The following GSTZ1 variants were observed in gnomAD, a reference collection of about 807,000 sequenced individuals.
GSTZ1 encodes the protein maleylacetoacetate isomerase.
GSTZ1 carries 34 observed loss-of-function variants against 35.9 expected under a neutral mutation model. The observed-to-expected ratio is 0.95, with a 90% CI of 0.72 to 1.26. The LOEUF is 1.26. Among genes scored for constraint, GSTZ1 ranks in the 50% most tolerant of loss-of-function variants. The pLI is 0.00. For synonymous variants in GSTZ1, 93 were observed against 101.2 expected, an observed-to-expected ratio of 0.92 and a Z score of 0.49; for missense variants, 263 against 271.7, an observed-to-expected ratio of 0.97 and a Z score of 0.23.
rs1405251190 is a variant in GSTZ1, at chr14:77,330,985, T to C, written c.525-84T>C. 3.8e-5 allele frequency: 53 copies of C among 1,386,254 alleles called. No individual in the cohort carries two copies. In the South Asian group the frequency reaches 6.6e-4, roughly 17 times the overall value. 85.9% of individuals were successfully genotyped at this position (1,386,254 alleles called of 1,614,324 possible). A position where few individuals can be genotyped will look rare whatever the true frequency, so the allele number is the denominator to read the frequency against. Reference sequence around the variant, plus strand: ...CAGCTCCCTCGACCTCATCCAGCCCTGCCTCTCTGCTCCCCCTGCTGCATC... The same window carrying C: ...CAGCTCCCTCGACCTCATCCAGCCCCGCCTCTCTGCTCCCCCTGCTGCATC... On this transcript the variant is annotated intron_variant, in intron 8 of 8. Transcript: ENST00000216465.
chr14:77,330,495 C>T, intron 8 of GSTZ1, 136 bp downstream of exon 8: 1 of 752,972 alleles, frequency 1.3e-6, no homozygotes, highest in Non-Finnish European at 2.4e-6. Flanking sequence ...CACATAGCCA[C>T]TTCTGCCTGG....
At chr14:77,321,538 T>C (rs958845565) in intron 1 of GSTZ1, 87 of 1,298,530 alleles carry the variant, frequency 6.7e-5, no homozygotes, top group Non-Finnish European at 8.4e-5. Flanking sequence ...CAGCCCTTCA[T>C]GCTCTTCTCT....
At chr14:77,324,548 C>G in intron 1 of GSTZ1, 1 of 1,508,848 alleles carries the variant, frequency 6.6e-7, no homozygotes, top group Non-Finnish European at 8.9e-7. Flanking sequence ...CCTTTCCCTG[C>G]TCAGAAGCTG....
Position 77,326,875 on chromosome 14 carries a change from C to A in GSTZ1, c.105C>A (p.Pro35=). The stretch of plus-strand genomic sequence containing the variant: ...AAGGCATCGACTACGAGACGGTGCC[C>A]ATCAATCTCATAAAGGATGGGGGCC... ...ALKGIDYETV[P]INLIKDGGQQ... Residue 35 remains proline (P), a synonymous_variant, in exon 3 of 9, where the codon CCC becomes CCA. Transcript: ENST00000216465. 6.2e-7 allele frequency: 1 copy of A among 1,606,828 alleles called. No homozygotes were observed. The highest frequency in any genetic ancestry group is 1.7e-4 in the Middle Eastern group (1 of 6,054).
rs554698742 is a variant in GSTZ1, at chr14:77,327,056, C to T, written c.135+151C>T. ...AGGCTGCTGGCTCTCCCTTGTGGGA[C>T]AAGGTGGCAAGGTGTGCAGTAGCAG... On this transcript the variant is annotated intron_variant, in intron 3 of 8. Transcript: ENST00000216465. 4.5e-5 allele frequency: 29 copies of T among 644,100 alleles called. No homozygotes were observed. In the East Asian group the frequency reaches 7.4e-4, roughly 16 times the overall value. 39.9% of individuals were successfully genotyped at this position (644,100 alleles called of 1,614,324 possible). A position where few individuals can be genotyped will look rare whatever the true frequency, so the allele number is the denominator to read the frequency against.
intron 1 of GSTZ1, chr14:77,322,733 G>T: frequency 3.0e-6 from 3 of 985,112 alleles, no homozygotes; most frequent in Non-Finnish European, 3.6e-6. Context: ...TCCACAAAAG[G>T]TACCTTCAGG....
Position 77,324,532 on chromosome 14 carries a change from A to G in GSTZ1, c.16-338A>G, listed in dbSNP as rs1892206036. On this transcript the variant is annotated intron_variant, in intron 1 of 8. Transcript: ENST00000216465. ...ATTGGCTCCTGAAATCCACCCCTTT[A>G]GGTTTCCTTTCCCTGCTCAGAAGCT... The G allele has an allele frequency of 1.5e-5, 21 of 1,401,400 alleles. No individual in the cohort carries two copies. The East Asian group carries it at 5.2e-4, about 35-fold the overall frequency. The allele number at this position is 1,401,400 out of a possible 1,614,324, so 86.8% of individuals were successfully genotyped here. A position where few individuals can be genotyped will look rare whatever the true frequency, so the allele number is the denominator to read the frequency against.
At chr14:77,324,779 C>A in intron 1 of GSTZ1, 91 bp from the exon 2 acceptor site, 1 of 1,318,238 alleles carries the variant, frequency 7.6e-7, no homozygotes, top group Non-Finnish European at 1.1e-6. Context: ...AGAGAGGAGG[C>A]CTGGCAGGAC....
intron 3 of GSTZ1, chr14:77,327,217 G>T: frequency 1.7e-6 from 1 of 595,950 alleles, no homozygotes. Context: ...GGTAGGAGCT[G>T]CCTTGGTGGC....
chr14:77,324,962 G>C, intron 2 of GSTZ1, 41 bp downstream of exon 2: 1 of 1,548,660 alleles, frequency 6.5e-7, no homozygotes, highest in South Asian at 1.1e-5. Flanking sequence ...CTGGAGTGGG[G>C]TGGACTGGGG....
In GSTZ1 at chr14:77,325,145, G is replaced by A. The variant is rs1384959297; in HGVS notation, c.67+224G>A. ...AGGAAGGGGGTTGTTTTTTCCCTTG[G>A]GACTGACACTTCTCCCAACACTGCT... On this transcript the variant is annotated intron_variant, in intron 2 of 8. Transcript: ENST00000216465. The A allele has an allele frequency of 7.2e-6, 4 of 558,784 alleles. No individual in the cohort carries two copies. The Admixed American group carries it at 8.9e-5, about 12-fold the overall frequency. The allele number at this position is 558,784 out of a possible 1,614,324, so 34.6% of individuals were successfully genotyped here. A position where few individuals can be genotyped will look rare whatever the true frequency, so the allele number is the denominator to read the frequency against.
chr14:77,326,883 T>C lies in GSTZ1; in HGVS notation c.113T>C (p.Leu38Pro). The change falls in exon 3 of 9, where the codon CTC becomes CCC. Residue 38 changes from leucine (L) to proline (P), a missense_variant. By Grantham distance (98) the Leu-to-Pro change is moderately conservative. Transcript: ENST00000216465. Reference protein sequence around the residue: ...GIDYETVPINLIKDGGQQFSK... With the variant: ...GIDYETVPINPIKDGGQQFSK... Reference sequence around the variant, plus strand: ...GACTACGAGACGGTGCCCATCAATCTCATAAAGGATGGGGGCCAACAGGTA... The same window carrying C: ...GACTACGAGACGGTGCCCATCAATCCCATAAAGGATGGGGGCCAACAGGTA... 1 of 1,605,826 alleles carries C rather than the reference T, an allele frequency of 6.2e-7. No individual in the cohort carries two copies. Among genetic ancestry groups the C allele is most frequent in the Non-Finnish European group, 8.5e-7 (1 of 1,175,322 alleles).
In GSTZ1 at chr14:77,330,506, A is replaced by G. The variant is rs1892568497; in HGVS notation, c.524+147A>G. 5.7e-6 allele frequency: 4 copies of G among 706,636 alleles called. No individual in the cohort carries two copies. The Admixed American group carries it at 6.2e-5, about 11-fold the overall frequency. The allele number at this position is 706,636 out of a possible 1,614,324, so 43.8% of individuals were successfully genotyped here. A position where few individuals can be genotyped will look rare whatever the true frequency, so the allele number is the denominator to read the frequency against. ...AGGCCACATAGCCACTTCTGCCTGG[A>G]AGAGGGCAGAAGAAATTGGGGCAGT... On this transcript the variant is annotated intron_variant, in intron 8 of 8. Transcript: ENST00000216465.
Position 77,327,922 on chromosome 14 carries a change from T to C in GSTZ1, c.227T>C (p.Ile76Thr), listed in dbSNP as rs1162095287. The C allele has an allele frequency of 8.7e-6, 14 of 1,613,848 alleles. No homozygotes were observed. The East Asian group carries it at 1.3e-4, about 15-fold the overall frequency. Residue 76 changes from isoleucine (I) to threonine (T), a missense_variant, in exon 5 of 9, where the codon ATT becomes ACT. Coordinates refer to ENST00000216465, the MANE Select transcript of GSTZ1 (RefSeq NM_145870.3). ...GITIHQSLAIIEYLEEMRPTP... is the reference protein window; with the variant it reads ...GITIHQSLAITEYLEEMRPTP... ...CTCCCCTCTGGACAGCTGGCCATCA[T>C]TGAGTATCTAGAGGAGATGCGTCCC...
Position 77,331,260 on chromosome 14 carries a change from T to C in GSTZ1, c.*65T>C. The C allele has an allele frequency of 6.5e-7, 1 of 1,543,716 alleles. No individual in the cohort carries two copies. The highest frequency in any genetic ancestry group is 8.8e-7 in the Non-Finnish European group (1 of 1,141,890). On this transcript the variant is annotated 3_prime_UTR_variant, in exon 9 of 9. Coordinates refer to ENST00000216465, the MANE Select transcript of GSTZ1 (RefSeq NM_145870.3). ...AGAAGCTGGGTGGGCTGAAGAGGCC[T>C]GGAAACGAGAGTCTTAATTGAGGAG...
intron 2 of GSTZ1, chr14:77,326,335 T>C (rs1246148664): frequency 6.5e-6 from 1 of 153,408 alleles, no homozygotes; most frequent in Non-Finnish European, 1.5e-5. Flanking sequence ...TGGAAGAGAT[T>C]CTTCTCCAAC....
chr14:77,327,964 CT>C lies in GSTZ1; in HGVS notation c.270del (p.Gln91ArgfsTer11). The C allele has an allele frequency of 6.2e-7, 1 of 1,614,000 alleles. No individual in the cohort carries two copies. Among genetic ancestry groups the C allele is most frequent in the Non-Finnish European group, 8.5e-7 (1 of 1,179,892 alleles). On this transcript the variant is annotated frameshift_variant, in exon 5 of 9. Coordinates refer to ENST00000216465, the MANE Select transcript of GSTZ1 (RefSeq NM_145870.3). LOFTEE classifies it high-confidence loss of function. ...ATGCGTCCCACTCCGCGACTTCTGCCTCAGGACCCAAAGAAGAGGGCCAGCG... is the reference window on the plus strand; with the variant it reads ...ATGCGTCCCACTCCGCGACTTCTGCCCAGGACCCAAAGAAGAGGGCCAGCG... The part of the protein sequence containing the change: ...EEMRPTPRLL[P>X]QDPKKRASVR...
Position 77,331,576 on chromosome 14 carries a change from TA to T in GSTZ1, c.*384del. On this transcript the variant is annotated 3_prime_UTR_variant, in exon 9 of 9. Transcript: ENST00000216465. ...GCCCGCGCTGAAATTTGGCGTGAATTAAACTGAAGCCCAGGCCTCTACCTTG... is the reference window on the plus strand; with the variant it reads ...GCCCGCGCTGAAATTTGGCGTGAATTAACTGAAGCCCAGGCCTCTACCTTG... 1 of 182,284 alleles carries T rather than the reference TA, an allele frequency of 5.5e-6. No homozygotes were observed. The highest frequency in any genetic ancestry group is 1.2e-5 in the Non-Finnish European group (1 of 86,218). The allele number at this position is 182,284 out of a possible 1,614,324, so 11.3% of individuals were successfully genotyped here. A position where few individuals can be genotyped will look rare whatever the true frequency, so the allele number is the denominator to read the frequency against.
At chr14:77,321,444 C>T (rs1425540807) in intron 1 of GSTZ1, 28 of 1,520,712 alleles carry the variant, frequency 1.8e-5, no homozygotes, top group Non-Finnish European at 2.5e-5. Flanking sequence ...CGCTTCACTT[C>T]TGCTCCGCCC....
Sources: gnomAD v4.1 joint callset for allele counts on GRCh38, gnomAD v4.1.1 for gene constraint, MANE v1.5 for transcripts, NCBI Gene and HGNC (gene_info 2026-07-23, HGNC 2026-07-21) for gene names.